Variants in NTM observed in about 807,000 individuals in gnomAD.
The protein encoded by NTM is IgLON family member 2.
Under a neutral mutation model 42.1 loss-of-function variants are expected in NTM, and 13 were observed. The observed-to-expected ratio is 0.31, with a 90% CI of 0.20 to 0.49. The LOEUF is 0.49. Ranked by LOEUF, NTM falls within the 20% of genes least tolerant of loss-of-function variation. The pLI is 0.99. For missense variants in NTM, 373 were observed against 452.8 expected, an observed-to-expected ratio of 0.82 and a Z score of 1.60; for synonymous variants, 187 against 179.2, an observed-to-expected ratio of 1.04 and a Z score of -0.35.
intron 1 of NTM, among the ~76,000 whole-genome samples, chr11:131,865,614 C>T (rs2047050192): frequency 6.6e-6 from 1 of 152,184 alleles, no homozygotes; most frequent in Admixed American, 6.5e-5. Context: ...TCCCTGCCCT[C>T]ACACCCTGCT....
intron 4 of NTM, among the ~76,000 whole-genome samples, chr11:132,299,358 GT>G (rs1447592057): frequency 2.6e-5 from 4 of 152,194 alleles, no homozygotes; most frequent in Non-Finnish European, 4.4e-5. Context: ...TATGCAAAGG[GT>G]ATAGTGAACA....
chr11:132,051,497 G>A (rs1471278698), intron 2 of NTM, among the ~76,000 whole-genome samples: 1 of 152,150 alleles, frequency 6.6e-6, no homozygotes, highest in African/African-American at 2.4e-5. Flanking sequence ...TGACCAGGAG[G>A]GAAGGAAGTA....
chr11:132,030,960 A>C (rs1002088395), intron 2 of NTM, among the ~76,000 whole-genome samples: 1 of 152,176 alleles, frequency 6.6e-6, no homozygotes, highest in Non-Finnish European at 1.5e-5. Context: ...ACATATGTTC[A>C]TTCTGGGGCC....
intron 1 of NTM, among the ~76,000 whole-genome samples, chr11:131,737,970 G>T (rs2080695930): frequency 6.6e-6 from 1 of 152,174 alleles, no homozygotes; most frequent in Non-Finnish European, 1.5e-5. Flanking sequence ...TGCCTGCACA[G>T]GGGCCAAATT....
intron 1 of NTM, among the ~76,000 whole-genome samples, chr11:131,592,680 AC>A (rs2059481229): frequency 7.3e-6 from 1 of 137,234 alleles, no homozygotes. Flanking sequence ...ACACACACAC[AC>A]ACACACCATA....
chr11:131,495,652 C>A (rs1013808414), intron 1 of NTM, among the ~76,000 whole-genome samples: 3 of 152,198 alleles, frequency 2.0e-5, no homozygotes, highest in African/African-American at 7.2e-5. Context: ...AAGAAGCCGG[C>A]CTGGAAACAG....
At chr11:131,476,044 G>A (rs187908680) in intron 1 of NTM, among the ~76,000 whole-genome samples, 16 of 152,242 alleles carry the variant, frequency 1.1e-4, no homozygotes, top group Admixed American at 7.8e-4. Flanking sequence ...AGGAAAAAAG[G>A]AAGAAAGGAA....
intron 2 of NTM, among the ~76,000 whole-genome samples, chr11:132,140,078 C>G (rs1461771912): frequency 6.6e-6 from 1 of 152,080 alleles, no homozygotes; most frequent in Non-Finnish European, 1.5e-5. Flanking sequence ...TCTCATTAAC[C>G]CCATGCAAGA....
At position 131,627,219 on chromosome 11, in the gene NTM, A is replaced by ATT. The variant is rs143207154; in HGVS notation, c.82+256333_82+256334dup. Among the ~76,000 whole-genome samples the ATT allele has an allele frequency of 5.9e-4, 82 of 139,670 alleles. 4 individuals carry two copies. Among genetic ancestry groups the ATT allele is most frequent in the Non-Finnish European group, 7.3e-4 (47 of 64,020 alleles). 91.6% of individuals were successfully genotyped at this position (139,670 alleles called of 152,430 possible). On this transcript the variant is annotated intron_variant, in intron 1 of 8. Coordinates refer to ENST00000683400, the MANE Select transcript of NTM (RefSeq NM_001352005.2). ...TGCATGAATAAAGCAGGCGGCTTTT[A>ATT]TTTATTTATTTTTTTTGTGGGTTTG...
intron 1 of NTM, among the ~76,000 whole-genome samples, chr11:131,760,948 C>G (rs372425872): frequency 2.6e-5 from 4 of 152,100 alleles, no homozygotes; most frequent in South Asian, 2.1e-4. Flanking sequence ...AAAGGAGGAG[C>G]CTTCCTAGCT....
intron 4 of NTM, among the ~76,000 whole-genome samples, chr11:132,224,794 C>T (rs1478498292): frequency 6.6e-6 from 1 of 152,166 alleles, no homozygotes. Context: ...GGCCAAACTG[C>T]CAGAACCTGA....
chr11:132,092,754 T>A (rs2060518699), intron 2 of NTM, among the ~76,000 whole-genome samples: 1 of 152,214 alleles, frequency 6.6e-6, no homozygotes, highest in African/African-American at 2.4e-5. Flanking sequence ...GACAGTATGA[T>A]CTTTTCCTCA....
intron 1 of NTM, among the ~76,000 whole-genome samples, chr11:131,735,659 A>G (rs1380856534): frequency 6.6e-6 from 1 of 152,108 alleles, no homozygotes; most frequent in African/African-American, 2.4e-5. Context: ...CTAAACCGCC[A>G]CCTGTGTTTC....
intron 1 of NTM, among the ~76,000 whole-genome samples, chr11:131,726,920 C>A (rs1043801825): frequency 5.3e-5 from 8 of 151,194 alleles, no homozygotes; most frequent in Non-Finnish European, 1.2e-4. Flanking sequence ...AACTTCTGGG[C>A]TCAAGCACTT....
At position 131,688,924 on chromosome 11, in the gene NTM, G is replaced by A. The variant is rs139554662; in HGVS notation, c.83-222640G>A. Among the ~76,000 whole-genome samples, 1,133 of 152,304 alleles carry A rather than the reference G, an allele frequency of 7.4e-3. 16 individuals carry two copies. Among genetic ancestry groups the A allele is most frequent in the African/African-American group, 0.026 (1,080 of 41,552 alleles). ...CCTGTGAAGCCCCACACATTGTAGA[G>A]GTGTTTCCTTAGGATTGTTAGAGCC... On this transcript the variant is annotated intron_variant, in intron 1 of 8. Transcript: ENST00000683400.
At chr11:131,716,543 C>G (rs2077707920) in intron 1 of NTM, among the ~76,000 whole-genome samples, 1 of 152,130 alleles carries the variant, frequency 6.6e-6, no homozygotes, top group African/African-American at 2.4e-5. Flanking sequence ...ATTTTCATCA[C>G]AGCAATTCTA....
intron 1 of NTM, among the ~76,000 whole-genome samples, chr11:131,465,189 AT>A (rs1951772144): frequency 6.6e-6 from 1 of 152,104 alleles, no homozygotes; most frequent in Non-Finnish European, 1.5e-5. Flanking sequence ...ATGAGTTTGC[AT>A]TTCTTGAATA....
intron 1 of NTM, among the ~76,000 whole-genome samples, chr11:131,572,706 C>T (rs1442902311): frequency 6.6e-6 from 1 of 152,168 alleles, no homozygotes. Flanking sequence ...AAAAAGCCCA[C>T]GTCACCCTAG....
At chr11:131,966,447 A>G (rs1042736860) in intron 2 of NTM, among the ~76,000 whole-genome samples, 7 of 152,210 alleles carry the variant, frequency 4.6e-5, no homozygotes, top group Admixed American at 4.6e-4. Flanking sequence ...GGGTAGGGGA[A>G]AAAAGCAGAA....
Sources: gnomAD v4.1 joint callset for allele counts (sites outside exome capture counted in the v4.1 genomes callset) on GRCh38, gnomAD v4.1.1 for gene constraint, MANE v1.5 for transcripts, NCBI Gene and HGNC (gene_info 2026-07-23, HGNC 2026-07-21) for gene names.